Variants in MAD1L1 observed in about 807,000 individuals in gnomAD.
MAD1L1 encodes mitotic spindle assembly checkpoint protein MAD1.
MAD1L1 carries 95 observed loss-of-function variants against 96.9 expected under a neutral mutation model. The ratio of observed to expected loss-of-function variants is 0.98; its 90% CI spans 0.83 to 1.16. The LOEUF is 1.16. MAD1L1 is among the 50% of genes most tolerant of loss of function. The probability of loss-of-function intolerance (pLI) is 0.00; values close to 1 mark genes in which losing one functional copy is unlikely to be tolerated. For missense variants in MAD1L1, 1,007 were observed against 954.4 expected, an observed-to-expected ratio of 1.06 and a Z score of -0.73; for synonymous variants, 473 against 396.6, an observed-to-expected ratio of 1.19 and a Z score of -2.29.
intron 11 of MAD1L1, among the ~76,000 whole-genome samples, chr7:2,090,573 C>G (rs1786157101): frequency 6.6e-6 from 1 of 152,172 alleles, no homozygotes; most frequent in Non-Finnish European, 1.5e-5. Context: ...AGGGTTGGAT[C>G]AGGGTGCCAT....
At position 2,228,662 on chromosome 7, in the gene MAD1L1, C is replaced by T. The variant is rs537392622; in HGVS notation, c.150+1322G>A. Among the ~76,000 whole-genome samples the T allele has an allele frequency of 6.0e-5, 9 of 151,084 alleles. No individual in the cohort carries two copies. In the South Asian group the frequency reaches 1.5e-3, roughly 25 times the overall value. ...TAAATATTATATATATACACACACA[C>T]ATATATATATATATGACCTAATCTC... On this transcript the variant is annotated intron_variant, in intron 3 of 18. Coordinates refer to ENST00000265854, the MANE Select transcript of MAD1L1 (RefSeq NM_001013836.2).
intron 11 of MAD1L1, among the ~76,000 whole-genome samples, chr7:2,147,442 A>G (rs1789364787): frequency 6.6e-6 from 1 of 152,266 alleles, no homozygotes; most frequent in Non-Finnish European, 1.5e-5. Context: ...GACAGAAGCC[A>G]GCATACAGAC....
At chr7:2,208,053 T>C (rs946765407) in intron 10 of MAD1L1, among the ~76,000 whole-genome samples, 1 of 152,186 alleles carries the variant, frequency 6.6e-6, no homozygotes, top group African/African-American at 2.4e-5. Context: ...AGAGTTCATT[T>C]TTCCTCTTAC....
chr7:1,878,991 T>C (rs753641640), intron 18 of MAD1L1, among the ~76,000 whole-genome samples: 7 of 152,122 alleles, frequency 4.6e-5, no homozygotes, highest in Non-Finnish European at 8.8e-5. Context: ...GAATGAAACA[T>C]TGGAAAATAA....
intron 16 of MAD1L1, among the ~76,000 whole-genome samples, chr7:1,945,386 G>A (rs1221193896): frequency 2.6e-5 from 4 of 152,240 alleles, no homozygotes; most frequent in Admixed American, 1.3e-4. Context: ...TACTACACTC[G>A]GATGTGCTCC....
At chr7:1,978,669 C>T (rs569833116) in intron 15 of MAD1L1, among the ~76,000 whole-genome samples, 4 of 152,214 alleles carry the variant, frequency 2.6e-5, no homozygotes, top group African/African-American at 7.2e-5. Context: ...CACACGCAGA[C>T]GCACTTCCAG....
At chr7:2,048,312 A>C (rs1430150330) in intron 12 of MAD1L1, among the ~76,000 whole-genome samples, 1 of 152,222 alleles carries the variant, frequency 6.6e-6, no homozygotes, top group Admixed American at 6.5e-5. Flanking sequence ...CTGCCTGTTC[A>C]CCCAGGCAAG....
chr7:1,963,697 T>C (rs7795303), intron 15 of MAD1L1, among the ~76,000 whole-genome samples: 133,464 of 152,266 alleles, frequency 0.88, 59,383 homozygotes, highest in Non-Finnish European at 0.96. Context: ...CAGGGGCAAG[T>C]GTCTCTGTCA....
chr7:2,048,348 T>C (rs1169686939), intron 12 of MAD1L1, among the ~76,000 whole-genome samples: 1 of 152,166 alleles, frequency 6.6e-6, no homozygotes, highest in Non-Finnish European at 1.5e-5. Context: ...CAACGACAAA[T>C]TCCTGTTGCA....
chr7:2,060,314 C>T (rs946630788), intron 12 of MAD1L1, among the ~76,000 whole-genome samples: 7 of 149,612 alleles, frequency 4.7e-5, no homozygotes, highest in Non-Finnish European at 5.9e-5. Context: ...TCCCGAGATA[C>T]GCCGATGCTG....
chr7:2,215,932 G>A lies in MAD1L1; in HGVS notation c.877C>T (p.Gln293Ter), dbSNP rs753018448. ...ACCAGCGTCTCCTGCATCTTCTCCT[G>A]GCGCCCCAGCTTCCTCTGCAGCCCT... ...LEGLQRKLGR[Q>*]EKMQETLVGL... is the part of the protein sequence containing the mutation. The change falls in exon 9 of 19, where the codon CAG becomes TAG. Residue 293 changes from glutamine (Q) to a stop codon, truncating the protein, a stop_gained. Transcript: ENST00000265854. LOFTEE classifies it high-confidence loss of function. The A allele has an allele frequency of 1.2e-6, 2 of 1,614,184 alleles. No individual in the cohort carries two copies. The highest frequency in any genetic ancestry group is 3.3e-5 in the Admixed American group (2 of 60,022).
intron 11 of MAD1L1, among the ~76,000 whole-genome samples, chr7:2,094,284 C>A (rs903664653): frequency 1.4e-4 from 22 of 152,316 alleles, no homozygotes; most frequent in African/African-American, 5.3e-4. Context: ...TGCAGAATCC[C>A]TCTGGATGCA....
At chr7:1,997,116 G>A (rs1427071570) in intron 14 of MAD1L1, among the ~76,000 whole-genome samples, 2 of 152,316 alleles carry the variant, frequency 1.3e-5, no homozygotes, top group African/African-American at 2.4e-5. Flanking sequence ...TAATTAGTAC[G>A]GGTTTGCTAA....
At chr7:1,886,490 G>A (rs560464078) in intron 18 of MAD1L1, among the ~76,000 whole-genome samples, 3 of 152,360 alleles carry the variant, frequency 2.0e-5, no homozygotes, top group Admixed American at 6.5e-5. Flanking sequence ...CGACACCTCT[G>A]CATGGGCTCG....
chr7:1,881,292 T>G (rs1410711098), intron 18 of MAD1L1, among the ~76,000 whole-genome samples: 2 of 152,200 alleles, frequency 1.3e-5, no homozygotes, highest in African/African-American at 2.4e-5. Context: ...AACACTAAGC[T>G]TGTGGGAGTT....
At chr7:2,016,945 G>A (rs1048845880) in intron 12 of MAD1L1, among the ~76,000 whole-genome samples, 14 of 152,248 alleles carry the variant, frequency 9.2e-5, no homozygotes, top group Admixed American at 2.0e-4. Flanking sequence ...CGCGGACGCC[G>A]CGCAAGGCCG....
chr7:1,924,882 A>C (rs1336456569), intron 17 of MAD1L1, among the ~76,000 whole-genome samples: 1 of 152,214 alleles, frequency 6.6e-6, no homozygotes, highest in Non-Finnish European at 1.5e-5. Flanking sequence ...ATGATAAAAT[A>C]TGAATTATAA....
chr7:1,943,541 CAG>C (rs1435897041), intron 16 of MAD1L1, among the ~76,000 whole-genome samples: 4 of 152,188 alleles, frequency 2.6e-5, no homozygotes, highest in Non-Finnish European at 5.9e-5. Flanking sequence ...ATCCGGCATC[CAG>C]AGACAGAAAG....
chr7:2,072,073 T>G lies in MAD1L1; in HGVS notation c.1074-2735A>C, dbSNP rs570041282. Reference sequence around the variant, plus strand: ...AAACCCAAGGGGAATCCCAACTGGGTGGTAGGAACCCCAGTTTACAGCTGG... The same window carrying G: ...AAACCCAAGGGGAATCCCAACTGGGGGGTAGGAACCCCAGTTTACAGCTGG... On this transcript the variant is annotated intron_variant, in intron 11 of 18. Transcript: ENST00000265854. Among the ~76,000 whole-genome samples the G allele has an allele frequency of 1.6e-4, 24 of 152,290 alleles. No individual in the cohort carries two copies. In the South Asian group the frequency reaches 5.0e-3, roughly 32 times the overall value.
Sources: gnomAD v4.1 joint callset for allele counts (sites outside exome capture counted in the v4.1 genomes callset) on GRCh38, gnomAD v4.1.1 for gene constraint, MANE v1.5 for transcripts, NCBI Gene and HGNC (gene_info 2026-07-23, HGNC 2026-07-21) for gene names.